LOC400499: variants seen among roughly 807,000 people sequenced by gnomAD.
At chr16:11,499,994 G>A in the LOC400499 span, among the ~76,000 whole-genome samples, 2 of 152,174 alleles carry the variant, frequency 1.3e-5, no homozygotes, top group African/African-American at 4.8e-5. Context: ...GACACCTCAA[G>A]GGTTAAATGA....
chr16:11,460,947 G>A, the LOC400499 span: 2 of 1,516,354 alleles, frequency 1.3e-6, no homozygotes, highest in Admixed American at 4.1e-5. Flanking sequence ...CCCGCAACCA[G>A]GCACGCAGTG....
chr16:11,464,035 G>A, the LOC400499 span, among the ~76,000 whole-genome samples: 3 of 152,194 alleles, frequency 2.0e-5, no homozygotes, highest in Non-Finnish European at 4.4e-5. Flanking sequence ...GTGTGAATAT[G>A]GATGTGTATG....
the LOC400499 span, among the ~76,000 whole-genome samples, chr16:11,513,824 G>C: frequency 6.6e-6 from 1 of 152,140 alleles, no homozygotes; most frequent in Non-Finnish European, 1.5e-5. Flanking sequence ...GCTCAGCACA[G>C]CAACTGGCCC....
chr16:11,418,928 G>A, the LOC400499 span, among the ~76,000 whole-genome samples: 2 of 152,216 alleles, frequency 1.3e-5, no homozygotes, highest in East Asian at 3.8e-4. Flanking sequence ...CACTTTGGGA[G>A]GCAAAGGCGG....
the LOC400499 span, chr16:11,440,666 C>T: frequency 5.0e-6 from 2 of 398,566 alleles, no homozygotes; most frequent in Non-Finnish European, 8.8e-6. Flanking sequence ...GGCACCTTCA[C>T]TAAAGGTTAT....
At chr16:11,391,638 G>T in the LOC400499 span, 1 of 1,231,970 alleles carries the variant, frequency 8.1e-7, no homozygotes, top group Non-Finnish European at 1.0e-6. Context: ...TTCCGCACAG[G>T]ATTGAGCCCT....
chr16:11,446,545 C>T, the LOC400499 span: 2 of 1,536,020 alleles, frequency 1.3e-6, no homozygotes, highest in Non-Finnish European at 8.7e-7. Flanking sequence ...GGTCTCTGCT[C>T]TTACCGTGTG....
At chr16:11,462,125 T>C in the LOC400499 span, 15 of 1,506,180 alleles carry the variant, frequency 1.0e-5, no homozygotes, top group Non-Finnish European at 1.3e-5. Flanking sequence ...ACCTGTCACG[T>C]TGGCCTGGTC....
the LOC400499 span, among the ~76,000 whole-genome samples, chr16:11,380,200 C>T: frequency 6.6e-6 from 1 of 151,502 alleles, no homozygotes; most frequent in African/African-American, 2.4e-5. Flanking sequence ...ATGAAAATTA[C>T]AATACAGGTC....
the LOC400499 span, chr16:11,461,222 G>C: frequency 1.4e-6 from 2 of 1,389,414 alleles, no homozygotes; most frequent in Non-Finnish European, 1.9e-6. Context: ...GGGGCCTTGG[G>C]GTTGGGGGCT....
At chr16:11,407,973 T>G in the LOC400499 span, among the ~76,000 whole-genome samples, 1 of 63,076 alleles carries the variant, frequency 1.6e-5, no homozygotes, top group East Asian at 5.2e-4. Flanking sequence ...CAGAGCTGTT[T>G]TTTTTTTTTT....
the LOC400499 span, among the ~76,000 whole-genome samples, chr16:11,522,576 G>C: frequency 6.6e-6 from 1 of 152,188 alleles, no homozygotes; most frequent in Non-Finnish European, 1.5e-5. Context: ...CAGTTGAGAA[G>C]CATTCATCTA....
the LOC400499 span, chr16:11,472,450 C>A: frequency 6.6e-6 from 1 of 152,196 alleles, no homozygotes; most frequent in Non-Finnish European, 1.5e-5. Flanking sequence ...GCCTCAGCCT[C>A]CCAAAGCGCT....
At chr16:11,398,057 C>G in the LOC400499 span, among the ~76,000 whole-genome samples, 1 of 152,140 alleles carries the variant, frequency 6.6e-6, no homozygotes, top group Non-Finnish European at 1.5e-5. Context: ...TACAGCAGCT[C>G]TAACTCATGT....
At chr16:11,411,471 C>T in the LOC400499 span, 1 of 396,928 alleles carries the variant, frequency 2.5e-6, no homozygotes. Context: ...CAGGGCTATT[C>T]ACACACCCCG....
At chr16:11,399,361 G>A in the LOC400499 span, 1,451 of 839,172 alleles carry the variant, frequency 1.7e-3, 15 homozygotes, top group African/African-American at 0.023. Context: ...AGTTGCCCAG[G>A]ATCCCGCAAG....
chr16:11,449,053 C>G, the LOC400499 span: 4 of 1,487,056 alleles, frequency 2.7e-6, no homozygotes, highest in African/African-American at 5.5e-5. Flanking sequence ...CAGGCTGACT[C>G]GAGTTCGCTC....
At chr16:11,373,783 C>G in the LOC400499 span, among the ~76,000 whole-genome samples, 1 of 152,068 alleles carries the variant, frequency 6.6e-6, no homozygotes, top group Non-Finnish European at 1.5e-5. Flanking sequence ...CTATGCCCGG[C>G]TAATTTTTAT....
the LOC400499 span, among the ~76,000 whole-genome samples, chr16:11,380,146 T>C: frequency 2.0e-5 from 3 of 152,218 alleles, no homozygotes; most frequent in African/African-American, 7.2e-5. Context: ...CGTAGATGTA[T>C]AGTTATACAT....
Sources: gnomAD v4.1 joint callset for allele counts (sites outside exome capture counted in the v4.1 genomes callset) on GRCh38, gnomAD v4.1.1 for gene constraint, MANE v1.5 for transcripts.